F2R: variants seen among roughly 807,000 people sequenced by gnomAD.
F2R encodes coagulation factor II thrombin receptor.
F2R carries 12 observed loss-of-function variants against 18.3 expected under a neutral mutation model. That is an observed-to-expected ratio of 0.66 (90% CI 0.42 to 1.06). F2R has a LOEUF of 1.06. Ranked by LOEUF, F2R falls within the 50% of genes least tolerant of loss-of-function variation. The pLI is 0.00. For synonymous variants in F2R, 210 were observed against 219.9 expected (o/e 0.95, Z 0.40); for missense variants, 438 against 530.8 (o/e 0.83, Z 1.72).
At chr5:76,728,650 A>T (rs986977644) in intron 1 of F2R, among the ~76,000 whole-genome samples, 9 of 150,880 alleles carry the variant, frequency 6.0e-5, no homozygotes, top group African/African-American at 1.7e-4. Flanking sequence ...ATAATTCTGC[A>T]ATGAACATGA....
chr5:76,732,513 G>A lies in F2R; in HGVS notation c.288G>A (p.Leu96=). Reference sequence around the variant, plus strand: ...TCTCAGAAGATGCCTCCGGATATTTGACCAGCTCCTGGCTGACACTCTTTG... The same window carrying A: ...TCTCAGAAGATGCCTCCGGATATTTAACCAGCTCCTGGCTGACACTCTTTG... ...AFISEDASGY[L]TSSWLTLFVP... is the part of the protein sequence containing the mutation. The change falls in exon 2 of 2, where the codon TTG becomes TTA. Residue 96 remains leucine, a synonymous_variant. Transcript: ENST00000319211. 6.2e-7 allele frequency: 1 copy of A among 1,614,106 alleles called. No individual in the cohort carries two copies. The highest frequency in any genetic ancestry group is 1.1e-5 in the South Asian group (1 of 91,062).
At position 76,716,280 on chromosome 5, in the gene F2R, G is replaced by C. The variant is rs976013727; in HGVS notation, c.-28G>C. On this transcript the variant is annotated 5_prime_UTR_variant, in exon 1 of 2. Transcript: ENST00000319211. Reference sequence around the variant, plus strand: ...GCAGCCCGAGGCGGGGCAGCCTCCCGGAGCAGCGCCGCGCAGAGCCCGGGA... The same window carrying C: ...GCAGCCCGAGGCGGGGCAGCCTCCCCGAGCAGCGCCGCGCAGAGCCCGGGA... 7.4e-7 allele frequency: 1 copy of C among 1,345,364 alleles called. No individual in the cohort carries two copies. The allele number at this position is 1,345,364 out of a possible 1,614,324, so 83.3% of individuals were successfully genotyped here.
At position 76,735,446 on chromosome 5, in the gene F2R, C is replaced by A. The variant is rs1265586694; in HGVS notation, c.*1943C>A. 2 of 151,940 alleles carry A rather than the reference C, an allele frequency of 1.3e-5. No individual in the cohort carries two copies. Among genetic ancestry groups the A allele is most frequent in the East Asian group, 1.9e-4 (1 of 5,184 alleles). The allele number at this position is 151,940 out of a possible 1,614,324, so 9.4% of individuals were successfully genotyped here. A position where few individuals can be genotyped will look rare whatever the true frequency, so the allele number is the denominator to read the frequency against. ...CCGAGATCGCGCCACTGTGCTCCAG[C>A]CTGGGCAACAGAGCAAGACTCCATC... On this transcript the variant is annotated 3_prime_UTR_variant, in exon 2 of 2. Transcript: ENST00000319211.
At chr5:76,721,410 C>T (rs1391563919) in intron 1 of F2R, among the ~76,000 whole-genome samples, 2 of 152,206 alleles carry the variant, frequency 1.3e-5, no homozygotes, top group Non-Finnish European at 2.9e-5. Flanking sequence ...CCGTCTCCCA[C>T]ACTGACCTTG....
At position 76,732,400 on chromosome 5, in the gene F2R, G is replaced by A; in HGVS notation, c.175G>A (p.Glu59Lys). 6.2e-7 allele frequency: 1 copy of A among 1,614,158 alleles called. No individual in the cohort carries two copies. The highest frequency in any genetic ancestry group is 8.5e-7 in the Non-Finnish European group (1 of 1,180,038). Residue 59 changes from glutamate (E) to lysine (K), a missense_variant, in exon 2 of 2, where the codon GAG becomes AAG. Coordinates refer to ENST00000319211, the MANE Select transcript of F2R (RefSeq NM_001992.5). ...TAAATATGAACCATTTTGGGAGGATGAGGAGAAAAATGAAAGTGGGTTAAC... is the reference window on the plus strand; with the variant it reads ...TAAATATGAACCATTTTGGGAGGATAAGGAGAAAAATGAAAGTGGGTTAAC... ...NDKYEPFWED[E>K]EKNESGLTEY...
At chr5:76,718,772 T>A (rs999271994) in intron 1 of F2R, among the ~76,000 whole-genome samples, 17 of 152,330 alleles carry the variant, frequency 1.1e-4, no homozygotes, top group African/African-American at 3.8e-4. Flanking sequence ...AGGGCCAACA[T>A]CCAAGAGTAA....
chr5:76,731,107 G>A (rs974372688), intron 1 of F2R, among the ~76,000 whole-genome samples: 2 of 152,200 alleles, frequency 1.3e-5, no homozygotes, highest in African/African-American at 4.8e-5. Context: ...GCTCAGGAAA[G>A]AAGTAGAAGA....
intron 1 of F2R, among the ~76,000 whole-genome samples, chr5:76,718,036 T>C (rs895324612): frequency 2.0e-5 from 3 of 152,148 alleles, no homozygotes; most frequent in Non-Finnish European, 4.4e-5. Context: ...AGGAGTATGA[T>C]AGAGGAAAAG....
chr5:76,720,116 A>G (rs950023577), intron 1 of F2R, among the ~76,000 whole-genome samples: 8 of 152,144 alleles, frequency 5.3e-5, no homozygotes, highest in African/African-American at 1.9e-4. Context: ...AATAATTTTT[A>G]GTGGCTTTGC....
At chr5:76,720,595 A>G (rs1293152683) in intron 1 of F2R, among the ~76,000 whole-genome samples, 1 of 152,170 alleles carries the variant, frequency 6.6e-6, no homozygotes, top group East Asian at 1.9e-4. Context: ...TACAATGTAC[A>G]CTGTAAACCC....
chr5:76,723,221 C>A (rs537381514), intron 1 of F2R, among the ~76,000 whole-genome samples: 2 of 152,338 alleles, frequency 1.3e-5, no homozygotes, highest in South Asian at 4.1e-4. Flanking sequence ...CACATGTCCA[C>A]ATACTGCCTA....
In F2R at chr5:76,732,635, C is replaced by T. The variant is rs750271706; in HGVS notation, c.410C>T (p.Ala137Val). The change falls in exon 2 of 2, where the codon GCG (alanine) becomes GTG (valine). Residue 137 changes from alanine (A) to valine (V), a missense_variant. Ala to Val is a moderately conservative substitution (Grantham distance 64). Transcript: ENST00000319211. ...CTGAAAATGAAGGTCAAGAAGCCGG[C>T]GGTGGTGTACATGCTGCACCTGGCC... ...FILKMKVKKP[A>V]VVYMLHLATA... 6.8e-6 allele frequency: 11 copies of T among 1,614,026 alleles called. No individual in the cohort carries two copies. Among genetic ancestry groups the T allele is most frequent in the Admixed American group, 1.7e-5 (1 of 59,996 alleles).
rs993867735 is a variant in F2R, at chr5:76,733,020, C to A, written c.795C>A (p.Gly265=). The stretch of plus-strand genomic sequence containing the variant: ...TGCTCAATGAAACCCTGCTCGAAGG[C>A]TACTATGCCTACTACTTCTCAGCCT... The part of the protein sequence containing the change: ...HDVLNETLLE[G]YYAYYFSAFS... The change falls in exon 2 of 2, where the codon GGC becomes GGA. Residue 265 remains glycine, a synonymous_variant. Coordinates refer to ENST00000319211, the MANE Select transcript of F2R (RefSeq NM_001992.5). 8.1e-6 allele frequency: 13 copies of A among 1,614,068 alleles called. No homozygotes were observed. The African/African-American group carries it at 1.6e-4, about 20-fold the overall frequency.
intron 1 of F2R, among the ~76,000 whole-genome samples, chr5:76,729,205 C>G (rs2150582758): frequency 6.6e-6 from 1 of 152,326 alleles, no homozygotes; most frequent in African/African-American, 2.4e-5. Context: ...TCCATTCTAA[C>G]AGGTATGAAG....
rs757777409 is a variant in F2R at position 76,732,679 on chromosome 5, G to A, written c.454G>A (p.Val152Met). The A allele has an allele frequency of 1.9e-6, 3 of 1,614,108 alleles. No individual in the cohort carries two copies. The Admixed American group carries it at 5.0e-5, about 27-fold the overall frequency. ...CCTGGCCACGGCAGATGTGCTGTTT[G>A]TGTCTGTGCTCCCCTTTAAGATCAG... ...LHLATADVLFVSVLPFKISYY... is the reference protein window; with the variant it reads ...LHLATADVLFMSVLPFKISYY... Residue 152 changes from valine to methionine, a missense_variant, in exon 2 of 2, where the codon GTG (valine) becomes ATG (methionine). Transcript: ENST00000319211.
At chr5:76,716,468 C>A in intron 1 of F2R, 73 bp downstream of exon 1, 1 of 1,227,020 alleles carries the variant, frequency 8.1e-7, no homozygotes, top group Non-Finnish European at 1.1e-6. Flanking sequence ...CACTGTTGCG[C>A]CTTCTCCTCA....
At chr5:76,723,857 C>G (rs1561628332) in intron 1 of F2R, among the ~76,000 whole-genome samples, 1 of 152,186 alleles carries the variant, frequency 6.6e-6, no homozygotes, top group Non-Finnish European at 1.5e-5. Flanking sequence ...CATCCAGCTT[C>G]AACATTATTT....
rs1748752699 is a variant in F2R at position 76,734,907 on chromosome 5, GTTTTC to G, written c.*1409_*1413del. On this transcript the variant is annotated 3_prime_UTR_variant, in exon 2 of 2. Transcript: ENST00000319211. The stretch of plus-strand genomic sequence containing the variant: ...TTGCTCAATAGATTGCTCAAATCAG[GTTTTC>G]TTTTAAGAATCAATCATGTCAGTCT... 5 of 152,364 alleles carry G rather than the reference GTTTTC, an allele frequency of 3.3e-5. No homozygotes were observed. The South Asian group carries it at 1.0e-3, about 32-fold the overall frequency. 9.4% of individuals were successfully genotyped at this position (152,364 alleles called of 1,614,324 possible).
Position 76,716,377 on chromosome 5 carries a change from A to T in F2R, c.70A>T (p.Thr24Ser). The T allele has an allele frequency of 6.9e-7, 1 of 1,454,898 alleles. No individual in the cohort carries two copies. Among genetic ancestry groups the T allele is most frequent in the Non-Finnish European group, 9.0e-7 (1 of 1,107,540 alleles). The allele number at this position is 1,454,898 out of a possible 1,614,324, so 90.1% of individuals were successfully genotyped here. A position where few individuals can be genotyped will look rare whatever the true frequency, so the allele number is the denominator to read the frequency against. The change falls in exon 1 of 2, where the codon ACC (threonine) becomes TCC (serine). Residue 24 changes from threonine (T) to serine (S), a missense_variant. Physicochemically the swap from Thr to Ser is moderately conservative, Grantham distance 58. Coordinates refer to ENST00000319211, the MANE Select transcript of F2R (RefSeq NM_001992.5). ...GTGCGGCCCGCTGTTGTCTGCCCGC[A>T]CCCGGGCCCGCAGGCCAGGTGAGAG... is the stretch of plus-strand genomic sequence containing the variant. ...SLCGPLLSAR[T>S]RARRPESKAT...
Sources: gnomAD v4.1 joint callset for allele counts (sites outside exome capture counted in the v4.1 genomes callset) on GRCh38, gnomAD v4.1.1 for gene constraint, MANE v1.5 for transcripts, NCBI Gene and HGNC (gene_info 2026-07-23, HGNC 2026-07-21) for gene names.